Variants in GSE1 observed in about 807,000 individuals in gnomAD.
The protein encoded by GSE1 is genetic suppressor element 1.
A neutral mutation model predicts 112.6 loss-of-function variants in GSE1; 32 were observed. The ratio of observed to expected loss-of-function variants is 0.28; its 90% CI spans 0.21 to 0.38. The LOEUF (loss-of-function observed/expected upper bound fraction) is 0.38, where lower values mean the gene tolerates loss of function less well. GSE1 is among the 10% of genes least tolerant of loss of function. The pLI, the probability that GSE1 is intolerant of heterozygous loss-of-function variation, is 1.00. For missense variants in GSE1, 2,348 were observed against 1,699.2 expected (o/e 1.38, Z -6.71); for synonymous variants, 1,115 against 735.6 (o/e 1.52, Z -8.35).
In GSE1 at chr16:85,675,742, TCCA is replaced by T. The variant is rs1350747430; in HGVS notation, c.*3208_*3210del. 3 of 152,362 alleles carry T rather than the reference TCCA, an allele frequency of 2.0e-5. 1 individual carries two copies. The highest frequency in any genetic ancestry group is 6.8e-3 in the Middle Eastern group (2 of 294). The allele number at this position is 152,362 out of a possible 1,614,324, so 9.4% of individuals were successfully genotyped here. A position where few individuals can be genotyped will look rare whatever the true frequency, so the allele number is the denominator to read the frequency against. On this transcript the variant is annotated 3_prime_UTR_variant, in exon 16 of 16. Transcript: ENST00000253458. ...ACACAAGTGTAGAAAATGCCAGGGA[TCCA>T]CCACAAGATGGAGATGGTCAGCACA...
chr16:85,586,300 G>A (rs1402970333), intron 1 of GSE1, among the ~76,000 whole-genome samples: 4 of 152,234 alleles, frequency 2.6e-5, no homozygotes, highest in African/African-American at 4.8e-5. Context: ...AGAATTTGGG[G>A]GACACAGTTT....
At chr16:85,253,489 C>T (rs564660546) in intron 1 of GSE1, among the ~76,000 whole-genome samples, 11 of 152,340 alleles carry the variant, frequency 7.2e-5, no homozygotes, top group African/African-American at 2.2e-4. Flanking sequence ...CCCCTTTGTT[C>T]CTCTGCCTCC....
chr16:85,474,712 C>T (rs1441861223), intron 2 of GSE1, among the ~76,000 whole-genome samples: 1 of 150,624 alleles, frequency 6.6e-6, no homozygotes, highest in South Asian at 2.1e-4. Flanking sequence ...TCCCCTCCTC[C>T]CTCTCCCCAC....
intron 1 of GSE1, among the ~76,000 whole-genome samples, chr16:85,613,709 T>A (rs1224287534): frequency 7.3e-4 from 8 of 10,954 alleles, no homozygotes; most frequent in African/African-American, 3.0e-3. Context: ...GCAGGTAAAG[T>A]GGGGGGATGG....
chr16:85,669,713 C>T (rs531716545), intron 14 of GSE1, among the ~76,000 whole-genome samples: 2 of 152,134 alleles, frequency 1.3e-5, no homozygotes, highest in Non-Finnish European at 2.9e-5. Flanking sequence ...GGCTATTCTT[C>T]TGTATTTTCT....
Position 85,671,014 on chromosome 16 carries a change from G to C in GSE1, c.3435G>C (p.Gln1145His). The C allele has an allele frequency of 6.2e-7, 1 of 1,610,164 alleles. No homozygotes were observed. Among genetic ancestry groups the C allele is most frequent in the Non-Finnish European group, 8.5e-7 (1 of 1,176,600 alleles). ...TTTCAGAGCAAAATCTGGAGCGGCA[G>C]GTGTTACAGACACAATGTAGACGAC... ...EHIEEQNLER[Q>H]VLQTQCRRLE... Residue 1145 changes from glutamine to histidine, a missense_variant, in exon 15 of 16, where the codon CAG becomes CAC. By Grantham distance (24) the Gln-to-His change is conservative. Coordinates refer to ENST00000253458, the MANE Select transcript of GSE1 (RefSeq NM_014615.5).
At chr16:85,588,479 C>A (rs553314441) in intron 1 of GSE1, among the ~76,000 whole-genome samples, 45 of 152,330 alleles carry the variant, frequency 3.0e-4, no homozygotes, top group Non-Finnish European at 5.7e-4. Context: ...TCAATTAATG[C>A]TGAATCTGTA....
chr16:85,656,541 G>C lies in GSE1; in HGVS notation c.1188G>C (p.Lys396Asn). Residue 396 changes from lysine to asparagine, a missense_variant, in exon 7 of 16, where the codon AAG (lysine) becomes AAC (asparagine). Coordinates refer to ENST00000253458, the MANE Select transcript of GSE1 (RefSeq NM_014615.5). ...ERQREQRARE[K>N]ELLAAKALEP... ...AGCGGGAGCAGCGGGCCCGGGAGAA[G>C]GAGCTGCTGGCCGCCAAGGCCCTGG... The C allele has an allele frequency of 6.5e-7, 1 of 1,548,896 alleles. No individual in the cohort carries two copies. Among genetic ancestry groups the C allele is most frequent in the Non-Finnish European group, 8.7e-7 (1 of 1,146,512 alleles).
intron 8 of GSE1, among the ~76,000 whole-genome samples, chr16:85,660,100 T>TA (rs1207469933): frequency 6.6e-6 from 1 of 152,220 alleles, no homozygotes. Flanking sequence ...CCCTGTGTCA[T>TA]GTGTCCCTAC....
At chr16:85,651,494 G>C (rs962798883) in intron 3 of GSE1, among the ~76,000 whole-genome samples, 7 of 152,206 alleles carry the variant, frequency 4.6e-5, no homozygotes, top group African/African-American at 1.7e-4. Context: ...TCGGCTGAGG[G>C]GAGAAGGGGT....
At chr16:85,416,384 C>T (rs533907251) in intron 2 of GSE1, among the ~76,000 whole-genome samples, 3 of 152,100 alleles carry the variant, frequency 2.0e-5, no homozygotes, top group Non-Finnish European at 4.4e-5. Flanking sequence ...CCGTTCAGAG[C>T]CCCCAAGTGG....
chr16:85,247,704 C>T (rs1288173550), intron 1 of GSE1, among the ~76,000 whole-genome samples: 1 of 152,190 alleles, frequency 6.6e-6, no homozygotes, highest in East Asian at 1.9e-4. Flanking sequence ...ACAGCCCCTG[C>T]CTCTCATCTT....
intron 1 of GSE1, among the ~76,000 whole-genome samples, chr16:85,198,698 A>G (rs2143528064): frequency 6.6e-6 from 1 of 152,200 alleles, no homozygotes. Flanking sequence ...TACACTGCAG[A>G]GACCCCCCAC....
chr16:85,529,656 C>G lies in GSE1; in HGVS notation c.2465-104258C>G, dbSNP rs151321836. On this transcript the variant is annotated intron_variant, in intron 2 of 2. Transcript: ENST00000637419. ...ACTGGCCCTCCCAGCACGTGAGTTT[C>G]TAAGCCCTGGCTTTAGGTGTCCCTG... Among the ~76,000 whole-genome samples the G allele has an allele frequency of 3.9e-5, 6 of 152,348 alleles. No individual in the cohort carries two copies. In the East Asian group the frequency reaches 1.2e-3, roughly 29 times the overall value.
At chr16:85,340,534 G>A (rs756180128) in intron 1 of GSE1, among the ~76,000 whole-genome samples, 6 of 152,122 alleles carry the variant, frequency 3.9e-5, no homozygotes, top group South Asian at 2.1e-4. Context: ...CCAGACACTC[G>A]GGAGGCTGAG....
At chr16:85,574,626 C>T (rs1445164039) in intron 1 of GSE1, among the ~76,000 whole-genome samples, 3 of 152,250 alleles carry the variant, frequency 2.0e-5, no homozygotes, top group Non-Finnish European at 2.9e-5. Context: ...TCCGCCCGGC[C>T]TCCAGAGGAC....
chr16:85,652,395 C>G (rs1220853553), intron 3 of GSE1, among the ~76,000 whole-genome samples: 2 of 152,222 alleles, frequency 1.3e-5, no homozygotes, highest in South Asian at 4.1e-4. Flanking sequence ...CCACGCAGGG[C>G]GTCAGTGCCC....
intron 1 of GSE1, among the ~76,000 whole-genome samples, chr16:85,229,622 C>T (rs1370662237): frequency 6.6e-6 from 1 of 152,230 alleles, no homozygotes; most frequent in East Asian, 1.9e-4. Flanking sequence ...GCCAGCAAGT[C>T]GTTGAGCTGG....
intron 2 of GSE1, among the ~76,000 whole-genome samples, chr16:85,455,586 G>A (rs1289075401): frequency 6.6e-6 from 1 of 152,154 alleles, no homozygotes; most frequent in Non-Finnish European, 1.5e-5. Flanking sequence ...CTCATTTGGG[G>A]GACCCCGATT....
Sources: allele counts gnomAD v4.1 joint callset (sites outside exome capture counted in the v4.1 genomes callset), GRCh38; gene constraint gnomAD v4.1.1; transcripts MANE v1.5; gene names NCBI Gene and HGNC (gene_info 2026-07-23, HGNC 2026-07-21).